Variants in MAML3 observed in about 807,000 individuals in gnomAD.
MAML3 encodes mastermind-like protein 3.
MAML3 carries 27 observed loss-of-function variants against 101.9 expected under a neutral mutation model. That is an observed-to-expected ratio of 0.27 (90% CI 0.20 to 0.37). The LOEUF (loss-of-function observed/expected upper bound fraction) is 0.37, where lower values mean the gene tolerates loss of function less well. Among genes scored for constraint, MAML3 ranks in the 10% least tolerant of loss-of-function variants. MAML3 has a pLI of 1.00. For synonymous variants in MAML3, 501 were observed against 555.9 expected, an observed-to-expected ratio of 0.90 and a Z score of 1.39; for missense variants, 1,316 against 1,444.9, an observed-to-expected ratio of 0.91 and a Z score of 1.45.
At chr4:140,033,759 A>G (rs1358381208) in intron 1 of MAML3, among the ~76,000 whole-genome samples, 1 of 152,230 alleles carries the variant, frequency 6.6e-6, no homozygotes, top group African/African-American at 2.4e-5. Context: ...TATCGGGATG[A>G]TTAAGTATGC....
At chr4:139,814,911 T>A (rs1052549074) in intron 2 of MAML3, among the ~76,000 whole-genome samples, 4 of 152,188 alleles carry the variant, frequency 2.6e-5, no homozygotes, top group African/African-American at 7.2e-5. Context: ...GAGTTTTATA[T>A]GCTATTTCCA....
At position 139,980,545 on chromosome 4, in the gene MAML3, C is replaced by T. The variant is rs1217701777; in HGVS notation, c.469-89578G>A. ...CTACCCTGATTGTAGTCTGCTCACC[C>T]TCTAGATCCCGGTTAACTTAGGAAG... On this transcript the variant is annotated intron_variant, in intron 1 of 4. Transcript: ENST00000509479. Among the ~76,000 whole-genome samples the T allele has an allele frequency of 4.6e-5, 7 of 152,290 alleles. No homozygotes were observed. The East Asian group carries it at 1.4e-3, about 29-fold the overall frequency.
At chr4:139,742,134 C>T in intron 2 of MAML3, among the ~76,000 whole-genome samples, 1 of 134,608 alleles carries the variant, frequency 7.4e-6, no homozygotes, top group East Asian at 2.3e-4. Context: ...AGATCTTAAA[C>T]TTTTCTTTTC....
chr4:139,906,010 T>C (rs1235270663), intron 1 of MAML3, among the ~76,000 whole-genome samples: 2 of 152,204 alleles, frequency 1.3e-5, no homozygotes, highest in South Asian at 4.1e-4. Flanking sequence ...ATGCCATCCT[T>C]AACGTACATA....
intron 1 of MAML3, among the ~76,000 whole-genome samples, chr4:139,949,380 C>T (rs1733795073): frequency 6.6e-6 from 1 of 152,142 alleles, no homozygotes; most frequent in African/African-American, 2.4e-5. Context: ...GAATTGAACT[C>T]CCACTCTTTC....
intron 1 of MAML3, among the ~76,000 whole-genome samples, chr4:139,966,610 G>A (rs1260288983): frequency 1.3e-5 from 2 of 152,174 alleles, no homozygotes; most frequent in Non-Finnish European, 2.9e-5. Flanking sequence ...TATCTTACGT[G>A]TTTCTGACCG....
intron 1 of MAML3, among the ~76,000 whole-genome samples, chr4:139,935,241 T>A (rs1285382138): frequency 6.6e-6 from 1 of 151,524 alleles, no homozygotes; most frequent in African/African-American, 2.4e-5. Context: ...GGACTGATAT[T>A]CTATTAATCC....
At chr4:140,069,328 AG>A (rs1727590707) in intron 1 of MAML3, among the ~76,000 whole-genome samples, 1 of 42,740 alleles carries the variant, frequency 2.3e-5, no homozygotes, top group Non-Finnish European at 5.2e-5. Flanking sequence ...TCCAAGAAGA[AG>A]GAGAAGGAGA....
chr4:139,845,572 A>G (rs1731428572), intron 2 of MAML3, among the ~76,000 whole-genome samples: 2 of 152,218 alleles, frequency 1.3e-5, no homozygotes, highest in East Asian at 1.9e-4. Context: ...TGACATCAGG[A>G]GTTAGAATGG....
chr4:139,851,540 A>G (rs74378047), intron 2 of MAML3, among the ~76,000 whole-genome samples: 488 of 152,350 alleles, frequency 3.2e-3, no homozygotes, highest in African/African-American at 0.011. Flanking sequence ...AACAATGACA[A>G]CCAACATACA....
At position 139,874,401 on chromosome 4, in the gene MAML3, A is replaced by T. The variant is rs547540616; in HGVS notation, c.2079+14956T>A. On this transcript the variant is annotated intron_variant, in intron 2 of 4. Coordinates refer to ENST00000509479, the MANE Select transcript of MAML3 (RefSeq NM_018717.5). The stretch of plus-strand genomic sequence containing the variant: ...GTCAGAGCCAAGATTGATTTTTTTT[A>T]AAAAAATCACCAGTGAAACTTGCTA... Among the ~76,000 whole-genome samples, 111 of 152,212 alleles carry T rather than the reference A, an allele frequency of 7.3e-4. 1 individual carries two copies. Among genetic ancestry groups the T allele is most frequent in the South Asian group, 2.1e-3 (10 of 4,820 alleles).
chr4:139,912,054 G>A (rs900546235), intron 1 of MAML3, among the ~76,000 whole-genome samples: 1 of 152,220 alleles, frequency 6.6e-6, no homozygotes, highest in African/African-American at 2.4e-5. Context: ...TTCAGTTCTG[G>A]TGGCTAAATA....
At chr4:140,030,231 G>A (rs1016317653) in intron 1 of MAML3, among the ~76,000 whole-genome samples, 2 of 152,150 alleles carry the variant, frequency 1.3e-5, no homozygotes, top group Middle Eastern at 3.4e-3. Flanking sequence ...ATGTCCCACC[G>A]ATCACACGTC....
chr4:139,978,403 G>C (rs1734383283), intron 1 of MAML3, among the ~76,000 whole-genome samples: 1 of 152,214 alleles, frequency 6.6e-6, no homozygotes, highest in East Asian at 1.9e-4. Flanking sequence ...CTGTTGGAGT[G>C]AGCAGAGAAG....
At chr4:139,770,516 G>A (rs1003196563) in intron 2 of MAML3, among the ~76,000 whole-genome samples, 2 of 152,168 alleles carry the variant, frequency 1.3e-5, no homozygotes, top group Non-Finnish European at 2.9e-5. Context: ...GGGAGTTGGT[G>A]GATAGGGAGG....
At chr4:140,026,187 C>CAT (rs961029117) in intron 1 of MAML3, among the ~76,000 whole-genome samples, 22 of 151,994 alleles carry the variant, frequency 1.4e-4, no homozygotes, top group Admixed American at 3.9e-4. Context: ...CTCATCAAAA[C>CAT]ATATATATGT....
chr4:140,065,252 T>C (rs183086918), intron 1 of MAML3, among the ~76,000 whole-genome samples: 2 of 152,156 alleles, frequency 1.3e-5, no homozygotes, highest in Admixed American at 1.3e-4. Context: ...TAAATTAACA[T>C]TGAACACTCA....
intron 1 of MAML3, among the ~76,000 whole-genome samples, chr4:139,955,822 CTG>C (rs1169924656): frequency 1.3e-5 from 2 of 152,150 alleles, no homozygotes; most frequent in African/African-American, 2.4e-5. Context: ...TGTGAGTTCT[CTG>C]TATTCCCTTA....
At chr4:139,733,239 C>G (rs1253255167) in intron 2 of MAML3, among the ~76,000 whole-genome samples, 1 of 152,202 alleles carries the variant, frequency 6.6e-6, no homozygotes, top group African/African-American at 2.4e-5. Flanking sequence ...ATATTTGATA[C>G]TTTCCAGTTT....
Sources: allele counts gnomAD v4.1 joint callset (sites outside exome capture counted in the v4.1 genomes callset), GRCh38; gene constraint gnomAD v4.1.1; transcripts MANE v1.5; gene names NCBI Gene and HGNC (gene_info 2026-07-23, HGNC 2026-07-21).